Variants in MGAT5 observed in about 807,000 individuals in gnomAD.
MGAT5 encodes alpha-1,6-mannosylglycoprotein 6-beta-N-acetylglucosaminyltransferase A.
Under a neutral mutation model 94.3 loss-of-function variants are expected in MGAT5, and 30 were observed. That is an observed-to-expected ratio of 0.32 (90% CI 0.24 to 0.43). The LOEUF is 0.43. MGAT5 is among the 20% of genes least tolerant of loss of function. MGAT5 has a pLI of 1.00. For missense variants in MGAT5, 691 were observed against 905.5 expected (o/e 0.76, Z 3.04); for synonymous variants, 310 against 322.9 (o/e 0.96, Z 0.43).
At chr2:134,380,767 C>T (rs754896840) in intron 10 of MGAT5, among the ~76,000 whole-genome samples, 6 of 152,134 alleles carry the variant, frequency 3.9e-5, no homozygotes, top group Non-Finnish European at 8.8e-5. Flanking sequence ...TGGTTATATT[C>T]AATTTGTAAC....
chr2:134,243,009 A>G (rs1351172748), intron 1 of MGAT5, among the ~76,000 whole-genome samples: 1 of 151,586 alleles, frequency 6.6e-6, no homozygotes, highest in East Asian at 1.9e-4. Context: ...TGAATTATCT[A>G]GTAAGCCAGT....
chr2:134,190,606 T>C lies in MGAT5; in HGVS notation c.-142-63656T>C, dbSNP rs190570170. ...CAAGTGGCTGGAGCACCCTAACTAG[T>C]TACAAAGCTCAAAGGAGGCCCTTTG... On this transcript the variant is annotated intron_variant, in intron 1 of 16. Coordinates refer to the MGAT5 transcript ENST00000409645. Among the ~76,000 whole-genome samples, 84 of 152,318 alleles carry C rather than the reference T, an allele frequency of 5.5e-4. 1 individual carries two copies. The highest frequency in any genetic ancestry group is 2.0e-3 in the African/African-American group (83 of 41,576).
intron 2 of MGAT5, among the ~76,000 whole-genome samples, chr2:134,288,782 T>C (rs970017796): frequency 1.3e-5 from 2 of 152,148 alleles, no homozygotes; most frequent in Admixed American, 1.3e-4. Flanking sequence ...GAAATATTGC[T>C]GTTGTAGCCA....
intron 10 of MGAT5, among the ~76,000 whole-genome samples, chr2:134,376,437 C>G (rs537185260): frequency 7.9e-5 from 12 of 152,032 alleles, no homozygotes; most frequent in Non-Finnish European, 1.6e-4. Context: ...TTTTTATTTT[C>G]TTATTCTTAA....
At chr2:134,382,392 G>A (rs1681688824) in intron 10 of MGAT5, among the ~76,000 whole-genome samples, 1 of 152,146 alleles carries the variant, frequency 6.6e-6, no homozygotes, top group Admixed American at 6.5e-5. Flanking sequence ...CTTTTCTATT[G>A]TGTCGAAATA....
Position 134,189,593 on chromosome 2 carries a change from T to TTTTTTTTTG in MGAT5, c.-142-64660_-142-64652dup, listed in dbSNP as rs1278548971. On this transcript the variant is annotated intron_variant, in intron 1 of 16. Transcript: ENST00000409645. ...CATATGACTAACCTCATGGCTCTAG[T>TTTTTTTTTG]TTTTTTTTGTTTTTTTTTTTTTTTT... Among the ~76,000 whole-genome samples, 5 of 74,982 alleles carry TTTTTTTTTG rather than the reference T, an allele frequency of 6.7e-5. 1 individual carries two copies. The highest frequency in any genetic ancestry group is 1.5e-4 in the Admixed American group (1 of 6,838). The allele number at this position is 74,982 out of a possible 152,430, so 49.2% of individuals were successfully genotyped here.
chr2:134,220,058 TGAA>T (rs1330080678), intron 1 of MGAT5, among the ~76,000 whole-genome samples: 1 of 152,200 alleles, frequency 6.6e-6, no homozygotes. Flanking sequence ...CATTATCTTG[TGAA>T]GGCAGCAAAT....
Position 134,246,129 on chromosome 2 carries a change from A to G in MGAT5, c.-142-8133A>G, listed in dbSNP as rs1485790510. On this transcript the variant is annotated intron_variant, in intron 1 of 16. Transcript: ENST00000409645. Reference sequence around the variant, plus strand: ...ACTAGTTTAGCCACTTCCAAAGGGAACAGACTGTTTTCATTTAGAATGTGT... The same window carrying G: ...ACTAGTTTAGCCACTTCCAAAGGGAGCAGACTGTTTTCATTTAGAATGTGT... Among the ~76,000 whole-genome samples, 3 of 151,580 alleles carry G rather than the reference A, an allele frequency of 2.0e-5. No individual in the cohort carries two copies. In the East Asian group the frequency reaches 5.8e-4, roughly 29 times the overall value.
intron 15 of MGAT5, among the ~76,000 whole-genome samples, chr2:134,443,503 A>AT (rs1008882530): frequency 6.6e-6 from 1 of 151,908 alleles, no homozygotes. Flanking sequence ...TGGTGATGCT[A>AT]TTTTTTTCCT....
intron 2 of MGAT5, among the ~76,000 whole-genome samples, chr2:134,274,170 A>G (rs940075599): frequency 6.6e-6 from 1 of 152,240 alleles, no homozygotes; most frequent in Non-Finnish European, 1.5e-5. Flanking sequence ...AATGTCTGAT[A>G]TATCTTTGTT....
intron 1 of MGAT5, among the ~76,000 whole-genome samples, chr2:134,205,400 G>A (rs1051878518): frequency 6.6e-6 from 1 of 152,128 alleles, no homozygotes; most frequent in African/African-American, 2.4e-5. Flanking sequence ...AATAGATTTG[G>A]GGTACATTTT....
At chr2:134,321,793 C>G (rs1227398678) in intron 4 of MGAT5, among the ~76,000 whole-genome samples, 1 of 152,114 alleles carries the variant, frequency 6.6e-6, no homozygotes, top group Non-Finnish European at 1.5e-5. Context: ...CTTGACACCA[C>G]GTTATGTGTT....
intron 4 of MGAT5, among the ~76,000 whole-genome samples, chr2:134,322,342 A>G (rs1687382855): frequency 2.0e-5 from 3 of 152,198 alleles, no homozygotes; most frequent in Non-Finnish European, 4.4e-5. Flanking sequence ...TAATATAGAA[A>G]TTCAGCTGTT....
At chr2:134,172,222 G>A (rs1025482491) in intron 1 of MGAT5, among the ~76,000 whole-genome samples, 7 of 152,156 alleles carry the variant, frequency 4.6e-5, no homozygotes, top group African/African-American at 1.4e-4. Flanking sequence ...TGGTGTCAGT[G>A]GAAGGAAGCC....
intron 1 of MGAT5, among the ~76,000 whole-genome samples, chr2:134,133,268 T>G (rs1428889188): frequency 2.0e-5 from 3 of 152,232 alleles, no homozygotes; most frequent in Non-Finnish European, 2.9e-5. Flanking sequence ...ACTTTGGAAT[T>G]TTTTTAAAAC....
chr2:134,155,980 T>C (rs11897104), intron 1 of MGAT5, among the ~76,000 whole-genome samples: 24,981 of 152,156 alleles, frequency 0.16, 2,308 homozygotes, highest in South Asian at 0.23. Context: ...TTCTTCATAG[T>C]AGTTGCCACA....
At chr2:134,405,221 A>C (rs1450868218) in intron 11 of MGAT5, among the ~76,000 whole-genome samples, 1 of 152,264 alleles carries the variant, frequency 6.6e-6, no homozygotes, top group African/African-American at 2.4e-5. Context: ...AAGATGTCCA[A>C]GTTTGTCTAA....
intron 1 of MGAT5, among the ~76,000 whole-genome samples, chr2:134,174,761 A>G (rs1423828785): frequency 6.6e-6 from 1 of 152,188 alleles, no homozygotes; most frequent in Non-Finnish European, 1.5e-5. Context: ...TAAAAGGCCA[A>G]TGCCTGATCT....
intron 10 of MGAT5, among the ~76,000 whole-genome samples, chr2:134,391,708 G>A (rs1682423518): frequency 6.6e-6 from 1 of 152,200 alleles, no homozygotes; most frequent in Admixed American, 6.5e-5. Flanking sequence ...AATTTTGGGG[G>A]ACACAGACAA....
Sources: gnomAD v4.1 joint callset for allele counts (sites outside exome capture counted in the v4.1 genomes callset) on GRCh38, gnomAD v4.1.1 for gene constraint, MANE v1.5 for transcripts, NCBI Gene and HGNC (gene_info 2026-07-23, HGNC 2026-07-21) for gene names.